DLG2: variants seen among roughly 807,000 people sequenced by gnomAD.
DLG2 encodes discs large MAGUK scaffold protein 2.
Under a neutral mutation model 132.5 loss-of-function variants are expected in DLG2, and 45 were observed. That is an observed-to-expected ratio of 0.34 (90% CI 0.27 to 0.44). The LOEUF is 0.44. DLG2 is among the 20% of genes least tolerant of loss of function. The probability of loss-of-function intolerance (pLI) is 1.00; values close to 1 mark genes in which losing one functional copy is unlikely to be tolerated. For missense variants in DLG2, 1,045 were observed against 1,196.9 expected (o/e 0.87, Z 1.87); for synonymous variants, 424 against 419.6 (o/e 1.01, Z -0.13).
chr11:85,296,893 AATTAT>A (rs2079260221), intron 3 of DLG2, among the ~76,000 whole-genome samples: 1 of 149,948 alleles, frequency 6.7e-6, no homozygotes, highest in South Asian at 2.1e-4. Context: ...TATTATATAT[AATTAT>A]ATTATTGTAC....
At chr11:85,383,051 A>G (rs1210784907) in intron 3 of DLG2, among the ~76,000 whole-genome samples, 3 of 152,190 alleles carry the variant, frequency 2.0e-5, no homozygotes, top group Non-Finnish European at 2.9e-5. Context: ...AGTATTATTC[A>G]TAATAGTCAA....
At chr11:84,055,344 T>G (rs1456105240) in intron 11 of DLG2, among the ~76,000 whole-genome samples, 2 of 152,120 alleles carry the variant, frequency 1.3e-5, no homozygotes. Flanking sequence ...CCCTCTTCAA[T>G]TCATTCGCTT....
intron 7 of DLG2, among the ~76,000 whole-genome samples, chr11:84,274,403 C>T (rs1364497790): frequency 1.3e-5 from 2 of 152,182 alleles, no homozygotes; most frequent in African/African-American, 2.4e-5. Context: ...GAGAAACTCA[C>T]AGCATAATAA....
chr11:84,795,328 G>A (rs2074429954), intron 6 of DLG2, among the ~76,000 whole-genome samples: 1 of 151,884 alleles, frequency 6.6e-6, no homozygotes, highest in South Asian at 2.1e-4. Context: ...CAGATGCCAG[G>A]ACAACCTACC....
intron 6 of DLG2, among the ~76,000 whole-genome samples, chr11:84,983,656 T>C (rs649468): frequency 0.72 from 109,138 of 152,084 alleles, 40,397 homozygotes; most frequent in East Asian, 0.92. Context: ...TGCTGATTTT[T>C]CTGAAAAAGA....
chr11:83,708,145 G>T (rs931589686), intron 18 of DLG2, among the ~76,000 whole-genome samples: 1 of 152,126 alleles, frequency 6.6e-6, no homozygotes, highest in Non-Finnish European at 1.5e-5. Flanking sequence ...TATGATAATT[G>T]TTGGAAATTT....
At chr11:85,474,639 A>G (rs1232080288) in intron 3 of DLG2, among the ~76,000 whole-genome samples, 1 of 151,966 alleles carries the variant, frequency 6.6e-6, no homozygotes, top group Admixed American at 6.6e-5. Flanking sequence ...ACTGTATCCA[A>G]TAGACCTTTC....
chr11:84,553,174 T>C (rs1252875012), intron 6 of DLG2, among the ~76,000 whole-genome samples: 1 of 152,194 alleles, frequency 6.6e-6, no homozygotes, highest in East Asian at 1.9e-4. Context: ...ATCTATCTTA[T>C]TCCCCCCAAA....
intron 7 of DLG2, among the ~76,000 whole-genome samples, chr11:84,528,394 G>C (rs2099327710): frequency 6.6e-6 from 1 of 152,206 alleles, no homozygotes; most frequent in African/African-American, 2.4e-5. Context: ...TAGGCAGCTG[G>C]TGTGCACCAA....
intron 11 of DLG2, among the ~76,000 whole-genome samples, chr11:84,011,718 T>A (rs1337418108): frequency 6.6e-6 from 1 of 152,056 alleles, no homozygotes; most frequent in East Asian, 1.9e-4. Flanking sequence ...GCTTTGCCCA[T>A]TAAGAAATGA....
At chr11:84,983,789 G>C (rs2056105089) in intron 6 of DLG2, among the ~76,000 whole-genome samples, 1 of 152,050 alleles carries the variant, frequency 6.6e-6, no homozygotes, top group Admixed American at 6.6e-5. Context: ...GAAATAGACA[G>C]CATAAAGAAA....
At chr11:85,172,826 C>T (rs1301478195) in intron 4 of DLG2, among the ~76,000 whole-genome samples, 1 of 151,942 alleles carries the variant, frequency 6.6e-6, no homozygotes, top group Non-Finnish European at 1.5e-5. Flanking sequence ...TACAATGCGA[C>T]CACAAGTATC....
chr11:83,819,078 T>G (rs1396017509), intron 17 of DLG2, among the ~76,000 whole-genome samples: 1 of 151,950 alleles, frequency 6.6e-6, no homozygotes, highest in Non-Finnish European at 1.5e-5. Context: ...AATTACAGAG[T>G]CTACTGACTC....
At chr11:84,491,914 A>C (rs2099166211) in intron 7 of DLG2, among the ~76,000 whole-genome samples, 1 of 152,110 alleles carries the variant, frequency 6.6e-6, no homozygotes, top group South Asian at 2.1e-4. Flanking sequence ...TTCACATTTC[A>C]ATCTTTTGAC....
At chr11:84,397,810 C>G (rs2098816020) in intron 7 of DLG2, among the ~76,000 whole-genome samples, 1 of 152,178 alleles carries the variant, frequency 6.6e-6, no homozygotes, top group Non-Finnish European at 1.5e-5. Flanking sequence ...GCTGACATTT[C>G]CAGTTTCTTC....
intron 6 of DLG2, among the ~76,000 whole-genome samples, chr11:84,690,866 C>A (rs1226990172): frequency 6.6e-6 from 1 of 151,798 alleles, no homozygotes; most frequent in Non-Finnish European, 1.5e-5. Context: ...TACTCAGTGG[C>A]AATCAAAATA....
chr11:85,265,768 A>C (rs1478019601), intron 4 of DLG2, among the ~76,000 whole-genome samples: 1 of 152,168 alleles, frequency 6.6e-6, no homozygotes, highest in Non-Finnish European at 1.5e-5. Flanking sequence ...CAGTAGAGAG[A>C]AGTAGCTGGA....
At chr11:85,048,397 A>C (rs1373753300) in intron 6 of DLG2, among the ~76,000 whole-genome samples, 1 of 152,000 alleles carries the variant, frequency 6.6e-6, no homozygotes, top group Admixed American at 6.6e-5. Flanking sequence ...ATAAAAGATC[A>C]CTTACTATCG....
chr11:84,279,613 G>A (rs775561828), intron 7 of DLG2, among the ~76,000 whole-genome samples: 71 of 152,176 alleles, frequency 4.7e-4, no homozygotes, highest in Admixed American at 9.2e-4. Flanking sequence ...ATACACCATG[G>A]AATACTATGC....
Sources: gnomAD v4.1 joint callset for allele counts (sites outside exome capture counted in the v4.1 genomes callset) on GRCh38, gnomAD v4.1.1 for gene constraint, MANE v1.5 for transcripts, NCBI Gene and HGNC (gene_info 2026-07-23, HGNC 2026-07-21) for gene names.